Variants in BST1 observed in about 807,000 individuals in gnomAD.
BST1 encodes bone marrow stromal cell antigen 1.
A neutral mutation model predicts 40.6 loss-of-function variants in BST1; 49 were observed. That is an observed-to-expected ratio of 1.21 (90% CI 0.96 to 1.53). The LOEUF (loss-of-function observed/expected upper bound fraction) is 1.53. Among genes scored for constraint, BST1 ranks in the 40% most tolerant of loss-of-function variants. The pLI is 0.00. For synonymous variants in BST1, 157 were observed against 159.3 expected (o/e 0.99, Z 0.11); for missense variants, 423 against 395.9 (o/e 1.07, Z -0.58).
intron 2 of BST1, among the ~76,000 whole-genome samples, chr4:15,705,844 A>G (rs927392681): frequency 3.9e-5 from 6 of 152,222 alleles, no homozygotes; most frequent in African/African-American, 1.2e-4. Context: ...TGCTATAAAG[A>G]AATGCCTGAG....
chr4:15,740,070 G>T (rs565354402), downstream of BST1, among the ~76,000 whole-genome samples: 4 of 152,048 alleles, frequency 2.6e-5, no homozygotes, highest in East Asian at 1.9e-4. Context: ...TTGGGGGCAG[G>T]GGGGACTGAA....
At chr4:15,752,178 A>G in the BST1 span, among the ~76,000 whole-genome samples, 1 of 152,202 alleles carries the variant, frequency 6.6e-6, no homozygotes, top group Non-Finnish European at 1.5e-5. Context: ...GCAATTGTGC[A>G]TATGTTCTTG....
Position 15,705,557 on chromosome 4 carries a change from G to A in BST1, c.231G>A (p.Ala77=), listed in dbSNP as rs748895304. The A allele has an allele frequency of 2.4e-5, 38 of 1,607,572 alleles. No homozygotes were observed. The highest frequency in any genetic ancestry group is 7.8e-5 in the South Asian group (7 of 90,154). Residue 77 remains alanine, a synonymous_variant, in exon 2 of 9, where the codon GCG becomes GCA. Coordinates refer to ENST00000265016, the MANE Select transcript of BST1 (RefSeq NM_004334.3). ...CTAIWEAFKV[A]LDKDPCSVLP... ...CCATCTGGGAAGCCTTTAAAGTGGC[G>A]CTGGACAAGGATCCCTGCTCCGTGC...
At chr4:15,718,769 C>A in intron 6 of BST1, 138 bp from the exon 7 acceptor site, 1 of 686,890 alleles carries the variant, frequency 1.5e-6, no homozygotes. Flanking sequence ...CTTTTTAAAC[C>A]AGAGACATTC....
At chr4:15,738,249 T>C (rs974115823) in exon 7 of BST1, 2 of 153,280 alleles carry the variant, frequency 1.3e-5, no homozygotes, top group African/African-American at 4.8e-5. Flanking sequence ...CTCTGTACTT[T>C]CTGCTCAAAT....
the BST1 span, among the ~76,000 whole-genome samples, chr4:15,745,340 C>T: frequency 6.6e-6 from 1 of 152,142 alleles, no homozygotes; most frequent in African/African-American, 2.4e-5. Flanking sequence ...ATAACTATTA[C>T]TCTGATTACA....
At chr4:15,748,618 G>A in the BST1 span, among the ~76,000 whole-genome samples, 2 of 152,220 alleles carry the variant, frequency 1.3e-5, no homozygotes, top group South Asian at 4.1e-4. Context: ...TGATCATAAT[G>A]AACATGCTGT....
At chr4:15,731,025 G>T in intron 8 of BST1, 1 of 594,054 alleles carries the variant, frequency 1.7e-6, no homozygotes, top group Non-Finnish European at 2.8e-6. Flanking sequence ...CATTCTGCCA[G>T]TTTTTCTGCC....
At chr4:15,740,907 G>A (rs1032284622), downstream of BST1, among the ~76,000 whole-genome samples, 1 of 151,918 alleles carries the variant, frequency 6.6e-6, no homozygotes, top group Admixed American at 6.5e-5. Context: ...TGCTGGCCAT[G>A]CAACCTCTGT....
intron 4 of BST1, among the ~76,000 whole-genome samples, chr4:15,715,009 G>A (rs892805190): frequency 1.3e-5 from 2 of 152,176 alleles, no homozygotes; most frequent in East Asian, 1.9e-4. Context: ...GGGAGCATAA[G>A]CTAGTTTATT....
In BST1 at chr4:15,711,827, C is replaced by A; in HGVS notation, c.472C>A (p.Pro158Thr). 6.2e-7 allele frequency: 1 copy of A among 1,613,918 alleles called. No individual in the cohort carries two copies. The highest frequency in any genetic ancestry group is 8.5e-7 in the Non-Finnish European group (1 of 1,179,874). The change falls in exon 4 of 9, where the codon CCT becomes ACT. Residue 158 changes from proline to threonine, a missense_variant. Pro to Thr is a conservative substitution (Grantham distance 38, BLOSUM62 -1). Transcript: ENST00000265016. ...NDSGLDYQSC[P>T]TSEDCENNPV... Reference sequence around the variant, plus strand: ...CTTAGGACTCGATTACCAATCCTGCCCTACATCAGAAGACTGTGAAAATAA... The same window carrying A: ...CTTAGGACTCGATTACCAATCCTGCACTACATCAGAAGACTGTGAAAATAA...
chr4:15,721,329 C>T (rs1170404765), intron 7 of BST1, among the ~76,000 whole-genome samples: 2 of 152,282 alleles, frequency 1.3e-5, no homozygotes, highest in South Asian at 2.1e-4. Context: ...TCATGGCCTC[C>T]CTTACCTTCT....
intron 2 of BST1, among the ~76,000 whole-genome samples, chr4:15,707,106 G>A (rs1338694691): frequency 1.3e-5 from 2 of 152,228 alleles, no homozygotes; most frequent in Non-Finnish European, 2.9e-5. Context: ...TCTGGAAGAA[G>A]AGAAAGGGCT....
At chr4:15,760,097 A>G in the BST1 span, among the ~76,000 whole-genome samples, 1 of 151,942 alleles carries the variant, frequency 6.6e-6, no homozygotes, top group Non-Finnish European at 1.5e-5. Flanking sequence ...ATTCCCCAAC[A>G]TGCAGCCCTA....
intron 3 of BST1, among the ~76,000 whole-genome samples, chr4:15,710,118 C>T (rs1720110298): frequency 6.6e-6 from 1 of 151,960 alleles, no homozygotes. Context: ...ACTACAGGCA[C>T]ACACCACCAC....
chr4:15,750,723 T>C, the BST1 span, among the ~76,000 whole-genome samples: 1 of 152,244 alleles, frequency 6.6e-6, no homozygotes, highest in Non-Finnish European at 1.5e-5. Flanking sequence ...AATTGTTATA[T>C]TGATTACATG....
rs1263970637 is a variant in BST1, at chr4:15,703,188, T to A, written c.44T>A (p.Leu15Gln). 6.4e-6 allele frequency: 10 copies of A among 1,559,432 alleles called. No homozygotes were observed. The highest frequency in any genetic ancestry group is 8.7e-6 in the Non-Finnish European group (10 of 1,153,256). Reference sequence around the variant, plus strand: ...GCGGCATCGCGGCTGCTCCAGCTGCTGCTGCAGCTTCTGCTTCTACTGTTG... The same window carrying A: ...GCGGCATCGCGGCTGCTCCAGCTGCAGCTGCAGCTTCTGCTTCTACTGTTG... ...GCAASRLLQLLLQLLLLLLLL... is the reference protein window; with the variant it reads ...GCAASRLLQLQLQLLLLLLLL... The change falls in exon 1 of 9, where the codon CTG becomes CAG. Residue 15 changes from leucine (L) to glutamine (Q), a missense_variant. Physicochemically the swap from Leu to Gln is moderately radical, Grantham distance 113. Coordinates refer to ENST00000265016, the MANE Select transcript of BST1 (RefSeq NM_004334.3).
chr4:15,706,218 G>A (rs1225341011), intron 2 of BST1, among the ~76,000 whole-genome samples: 2 of 152,178 alleles, frequency 1.3e-5, no homozygotes, highest in African/African-American at 2.4e-5. Flanking sequence ...TCTCCCGCTG[G>A]TTGTGGGCAG....
intron 2 of BST1, among the ~76,000 whole-genome samples, chr4:15,707,026 C>T (rs1013575328): frequency 3.9e-5 from 6 of 152,116 alleles, no homozygotes; most frequent in African/African-American, 1.4e-4. Context: ...AATATAAAAG[C>T]AATGTGTTTT....
Sources: allele counts gnomAD v4.1 joint callset (sites outside exome capture counted in the v4.1 genomes callset), GRCh38; gene constraint gnomAD v4.1.1; transcripts MANE v1.5; gene names NCBI Gene and HGNC (gene_info 2026-07-23, HGNC 2026-07-21).